SCFD2: variants seen among roughly 807,000 people sequenced by gnomAD.
The protein encoded by SCFD2 is sec1 family domain-containing protein 2.
A neutral mutation model predicts 58.9 loss-of-function variants in SCFD2; 54 were observed. That is an observed-to-expected ratio of 0.92 (90% CI 0.74 to 1.15). SCFD2 has a LOEUF of 1.15. Among genes scored for constraint, SCFD2 ranks in the 50% most tolerant of loss-of-function variants. The pLI is 0.00. For missense variants in SCFD2, 805 were observed against 836.6 expected (o/e 0.96, Z 0.47); for synonymous variants, 321 against 335.9 (o/e 0.96, Z 0.49).
intron 5 of SCFD2, among the ~76,000 whole-genome samples, chr4:53,126,907 G>A (rs1200184869): frequency 6.6e-6 from 1 of 152,202 alleles, no homozygotes; most frequent in Admixed American, 6.5e-5. Flanking sequence ...AGGATTAAAA[G>A]ATGGGTTTAA....
At chr4:53,198,149 T>C (rs1439757463) in intron 4 of SCFD2, among the ~76,000 whole-genome samples, 1 of 152,106 alleles carries the variant, frequency 6.6e-6, no homozygotes, top group Non-Finnish European at 1.5e-5. Flanking sequence ...TTCTCTTAAT[T>C]CTGGAAATAC....
chr4:52,928,137 C>G lies in SCFD2; in HGVS notation c.1562-7267G>C, dbSNP rs908366467. 1.1e-4 allele frequency among the ~76,000 whole-genome samples: 16 copies of G among 151,838 alleles called. 1 individual carries two copies. The highest frequency in any genetic ancestry group is 2.2e-4 in the Non-Finnish European group (15 of 67,994). ...ATCACTTGAGGCTAGGAGTTTGAGACCAGCCTGGGCAACATAGCAAGACTC... is the reference window on the plus strand; with the variant it reads ...ATCACTTGAGGCTAGGAGTTTGAGAGCAGCCTGGGCAACATAGCAAGACTC... On this transcript the variant is annotated intron_variant, in intron 5 of 8. Transcript: ENST00000401642.
chr4:53,021,983 T>C (rs1340599472), intron 5 of SCFD2, among the ~76,000 whole-genome samples: 1 of 152,070 alleles, frequency 6.6e-6, no homozygotes, highest in Non-Finnish European at 1.5e-5. Flanking sequence ...CATCCTGGTG[T>C]GAAAAATGAG....
Position 53,203,934 on chromosome 4 carries a change from A to G in SCFD2, c.1312-58352T>C, listed in dbSNP as rs1349058258. On this transcript the variant is annotated intron_variant, in intron 4 of 8. Coordinates refer to ENST00000401642, the MANE Select transcript of SCFD2 (RefSeq NM_152540.4). Reference sequence around the variant, plus strand: ...TCTAGGAATTAATTGGCAAAACTTGAGAATTATTAACTGAATGTACACCAA... The same window carrying G: ...TCTAGGAATTAATTGGCAAAACTTGGGAATTATTAACTGAATGTACACCAA... Among the ~76,000 whole-genome samples the G allele has an allele frequency of 2.6e-5, 4 of 152,154 alleles. 1 individual carries two copies. Among genetic ancestry groups the G allele is most frequent in the African/African-American group, 9.7e-5 (4 of 41,402 alleles).
intron 3 of SCFD2, among the ~76,000 whole-genome samples, chr4:53,274,487 A>G (rs1212878799): frequency 6.6e-6 from 1 of 152,162 alleles, no homozygotes; most frequent in East Asian, 1.9e-4. Flanking sequence ...GTTCATGACA[A>G]TATTCGTGAG....
At position 52,898,122 on chromosome 4, in the gene SCFD2, T is replaced by C. The variant is rs573949692; in HGVS notation, c.1842+9335A>G. 2.0e-5 allele frequency among the ~76,000 whole-genome samples: 3 copies of C among 152,332 alleles called. No homozygotes were observed. In the South Asian group the frequency reaches 6.2e-4, roughly 32 times the overall value. On this transcript the variant is annotated intron_variant, in intron 7 of 8. Coordinates refer to ENST00000401642, the MANE Select transcript of SCFD2 (RefSeq NM_152540.4). ...AAACCAGCTCCTGGATTCATTGATTTTTTGAAGGGTTTTTTGTGTCTCTAT... is the reference window on the plus strand; with the variant it reads ...AAACCAGCTCCTGGATTCATTGATTCTTTGAAGGGTTTTTTGTGTCTCTAT...
rs867455561 is a variant in SCFD2, at chr4:53,335,211, A to C, written c.1007+17387T>G. ...CTCCGTCTCAAAAAAAAAAAAAAAA[A>C]AACAACAAAAAAAAAAACAACAACA... On this transcript the variant is annotated intron_variant, in intron 2 of 8. Transcript: ENST00000401642. 2.9e-3 allele frequency among the ~76,000 whole-genome samples: 398 copies of C among 138,574 alleles called. 6 individuals carry two copies. Among genetic ancestry groups the C allele is most frequent in the African/African-American group, 7.3e-3 (254 of 34,834 alleles). The allele number at this position is 138,574 out of a possible 152,430, so 90.9% of individuals were successfully genotyped here.
intron 3 of SCFD2, among the ~76,000 whole-genome samples, chr4:53,299,910 TCAC>T (rs1732208692): frequency 6.6e-6 from 1 of 152,158 alleles, no homozygotes; most frequent in African/African-American, 2.4e-5. Context: ...GAGATTTTTG[TCAC>T]CACCAAGCCT....
intron 3 of SCFD2, among the ~76,000 whole-genome samples, chr4:53,283,277 C>T (rs1731561838): frequency 6.6e-6 from 1 of 152,126 alleles, no homozygotes; most frequent in South Asian, 2.1e-4. Flanking sequence ...TGTCTGGCTT[C>T]TTTTGTTCCA....
intron 2 of SCFD2, among the ~76,000 whole-genome samples, chr4:53,341,429 C>G (rs1432182563): frequency 6.6e-6 from 1 of 152,182 alleles, no homozygotes; most frequent in Non-Finnish European, 1.5e-5. Flanking sequence ...AAGAAATGAA[C>G]AAAGCCTCCA....
chr4:53,110,653 G>A (rs548375615), intron 5 of SCFD2, among the ~76,000 whole-genome samples: 1 of 152,312 alleles, frequency 6.6e-6, no homozygotes, highest in African/African-American at 2.4e-5. Flanking sequence ...CATCATGCCA[G>A]TTAGAATGGC....
chr4:53,345,866 ATG>A (rs1400228692), intron 2 of SCFD2, among the ~76,000 whole-genome samples: 1 of 119,498 alleles, frequency 8.4e-6, no homozygotes, highest in Non-Finnish European at 1.7e-5. Flanking sequence ...CAAACACCAC[ATG>A]TTTTCACTCA....
Position 53,255,803 on chromosome 4 carries a change from C to T in SCFD2, c.1311+18023G>A, listed in dbSNP as rs546296978. On this transcript the variant is annotated intron_variant, in intron 4 of 8. Coordinates refer to ENST00000401642, the MANE Select transcript of SCFD2 (RefSeq NM_152540.4). ...AGTAGGGGCGGCCGGGCAGAGGCGC[C>T]CCTCACCTCCCGGACCGGGCAGCTG... Among the ~76,000 whole-genome samples the T allele has an allele frequency of 2.8e-3, 411 of 146,992 alleles. 4 individuals are homozygous for T. The highest frequency in any genetic ancestry group is 5.1e-3 in the Non-Finnish European group (339 of 66,060).
intron 4 of SCFD2, among the ~76,000 whole-genome samples, chr4:53,196,316 C>T (rs901802676): frequency 1.3e-5 from 2 of 152,226 alleles, no homozygotes; most frequent in African/African-American, 4.8e-5. Flanking sequence ...GGCGTGTCTT[C>T]AAACAACAGT....
chr4:53,288,000 G>A (rs1203830448), intron 3 of SCFD2, among the ~76,000 whole-genome samples: 1 of 152,080 alleles, frequency 6.6e-6, no homozygotes, highest in Non-Finnish European at 1.5e-5. Flanking sequence ...ACCACTTTGG[G>A]AGGCCAAGGC....
intron 5 of SCFD2, among the ~76,000 whole-genome samples, chr4:52,997,545 G>A (rs1577649169): frequency 1.3e-5 from 2 of 152,366 alleles, no homozygotes; most frequent in East Asian, 1.9e-4. Flanking sequence ...GCCATTAGGT[G>A]TGGTCTAGTG....
chr4:53,253,424 A>G (rs1305965541), intron 4 of SCFD2, among the ~76,000 whole-genome samples: 5 of 152,110 alleles, frequency 3.3e-5, no homozygotes, highest in Non-Finnish European at 7.4e-5. Flanking sequence ...ATGCTGCTAT[A>G]AAGACACATG....
intron 4 of SCFD2, among the ~76,000 whole-genome samples, chr4:53,179,780 G>C (rs1321673297): frequency 1.3e-5 from 2 of 152,118 alleles, no homozygotes; most frequent in South Asian, 4.1e-4. Context: ...GACACACATA[G>C]GCTCAAAATA....
chr4:53,310,391 G>C (rs547780583), intron 3 of SCFD2, among the ~76,000 whole-genome samples: 20 of 152,342 alleles, frequency 1.3e-4, no homozygotes, highest in African/African-American at 4.1e-4. Flanking sequence ...GATATGTGAA[G>C]TTCCTCAACC....
Sources: allele counts gnomAD v4.1 joint callset (sites outside exome capture counted in the v4.1 genomes callset), GRCh38; gene constraint gnomAD v4.1.1; transcripts MANE v1.5; gene names NCBI Gene and HGNC (gene_info 2026-07-23, HGNC 2026-07-21).